The following KCNH5 variants were observed in gnomAD, a reference collection of about 807,000 sequenced individuals.
The protein encoded by KCNH5 is potassium voltage-gated channel subfamily H member 5, also known as voltage-gated delayed rectifier potassium channel KCNH5.
In KCNH5, 46 loss-of-function variants were observed where a neutral mutation model predicts 96.1. The observed-to-expected ratio is 0.48, with a 90% CI of 0.38 to 0.61. The LOEUF (loss-of-function observed/expected upper bound fraction) is 0.61. Among genes scored for constraint, KCNH5 ranks in the 20% least tolerant of loss-of-function variants. The pLI is 0.00. For synonymous variants in KCNH5, 439 were observed against 449.8 expected (o/e 0.98, Z 0.30); for missense variants, 907 against 1,225.8 (o/e 0.74, Z 3.88).
chr14:63,028,891 A>G (rs1658468507), intron 1 of KCNH5, among the ~76,000 whole-genome samples: 1 of 152,168 alleles, frequency 6.6e-6, no homozygotes, highest in African/African-American at 2.4e-5. Context: ...AGTCAATTAG[A>G]CCTCAGACCT....
intron 8 of KCNH5, among the ~76,000 whole-genome samples, chr14:62,806,727 G>T (rs972896683): frequency 5.9e-5 from 9 of 152,082 alleles, no homozygotes; most frequent in Non-Finnish European, 1.3e-4. Context: ...ACTGACATTG[G>T]GTTCGAGGCC....
At chr14:62,920,070 C>T (rs1363808725) in intron 7 of KCNH5, among the ~76,000 whole-genome samples, 2 of 152,064 alleles carry the variant, frequency 1.3e-5, no homozygotes, top group African/African-American at 2.4e-5. Flanking sequence ...TTGCCCATCT[C>T]CATGATGAGT....
intron 10 of KCNH5, among the ~76,000 whole-genome samples, chr14:62,748,045 A>G (rs751407778): frequency 6.6e-6 from 1 of 152,214 alleles, no homozygotes; most frequent in Non-Finnish European, 1.5e-5. Flanking sequence ...TGGTTACAGG[A>G]AAGGGGTCCC....
At chr14:62,883,771 A>C (rs1398718148) in intron 7 of KCNH5, among the ~76,000 whole-genome samples, 2 of 151,814 alleles carry the variant, frequency 1.3e-5, no homozygotes, top group Non-Finnish European at 2.9e-5. Context: ...AATAATAATA[A>C]TACTATTACA....
intron 7 of KCNH5, among the ~76,000 whole-genome samples, chr14:62,914,873 G>T (rs1206210303): frequency 6.6e-6 from 1 of 152,250 alleles, no homozygotes; most frequent in African/African-American, 2.4e-5. Context: ...CTCGCCATGT[G>T]GGCAGTGAGG....
chr14:62,795,851 T>C (rs1443173000), intron 9 of KCNH5, among the ~76,000 whole-genome samples: 2 of 151,864 alleles, frequency 1.3e-5, no homozygotes. Context: ...AGGCATCTAA[T>C]CCAGACTAGG....
intron 10 of KCNH5, among the ~76,000 whole-genome samples, chr14:62,714,867 T>TTG (rs1483199651): frequency 1.3e-5 from 2 of 152,212 alleles, no homozygotes; most frequent in Non-Finnish European, 2.9e-5. Flanking sequence ...GCAAATCAGA[T>TTG]TGCTGCTGAA....
At chr14:62,806,046 T>A (rs1474980313) in intron 8 of KCNH5, among the ~76,000 whole-genome samples, 3 of 152,096 alleles carry the variant, frequency 2.0e-5, no homozygotes, top group African/African-American at 7.2e-5. Flanking sequence ...TAAAACAGGT[T>A]GCAGTAAAGA....
At chr14:62,745,235 T>C (rs1163050271) in intron 10 of KCNH5, among the ~76,000 whole-genome samples, 1 of 144,250 alleles carries the variant, frequency 6.9e-6, no homozygotes, top group Non-Finnish European at 1.5e-5. Flanking sequence ...CAGAAGCTCA[T>C]GAAGCAGAAA....
At chr14:62,851,144 G>T (rs1956012) in intron 7 of KCNH5, among the ~76,000 whole-genome samples, 85,512 of 151,936 alleles carry the variant, frequency 0.56, 25,718 homozygotes, top group African/African-American at 0.77. Flanking sequence ...TAAAAAAATG[G>T]AGTCAGTTTT....
intron 7 of KCNH5, among the ~76,000 whole-genome samples, chr14:62,865,336 A>T (rs1159822868): frequency 1.4e-4 from 14 of 101,484 alleles, no homozygotes; most frequent in African/African-American, 4.8e-4. Flanking sequence ...TGCTATTTAA[A>T]AAAAAAAAAA....
intron 7 of KCNH5, among the ~76,000 whole-genome samples, chr14:62,899,946 CA>C (rs1377747269): frequency 6.6e-6 from 1 of 152,114 alleles, no homozygotes; most frequent in African/African-American, 2.4e-5. Flanking sequence ...TCTCTGAAAT[CA>C]AACTGTATCT....
At chr14:62,832,646 G>C (rs775017721) in intron 8 of KCNH5, among the ~76,000 whole-genome samples, 5 of 152,120 alleles carry the variant, frequency 3.3e-5, no homozygotes, top group Non-Finnish European at 4.4e-5. Context: ...AGATCATATA[G>C]TGGTTCTATA....
At chr14:62,728,843 G>A (rs2139921816) in intron 10 of KCNH5, among the ~76,000 whole-genome samples, 1 of 152,214 alleles carries the variant, frequency 6.6e-6, no homozygotes, top group Admixed American at 6.5e-5. Context: ...TTCATCAAAA[G>A]GATAAAGCCT....
At position 62,708,193 on chromosome 14, in the gene KCNH5, A is replaced by C. The variant is rs764103344; in HGVS notation, c.2282T>G (p.Ile761Ser). 6.2e-7 allele frequency: 1 copy of C among 1,614,176 alleles called. No individual in the cohort carries two copies. The highest frequency in any genetic ancestry group is 8.5e-7 in the Non-Finnish European group (1 of 1,180,020). Residue 761 changes from isoleucine (I) to serine (S), a missense_variant, in exon 11 of 11, where the codon ATT becomes AGT. Coordinates refer to ENST00000322893, the MANE Select transcript of KCNH5 (RefSeq NM_139318.5). The part of the protein sequence containing the change: ...SVVTVSQITP[I>S]QTSLAYVKTS... The stretch of plus-strand genomic sequence containing the variant: ...TTTCACATAGGCCAGAGACGTCTGA[A>C]TGGGAGTAATCTGTGACACAGTCAC...
chr14:62,970,330 T>C (rs879698963), intron 6 of KCNH5, among the ~76,000 whole-genome samples: 11 of 152,038 alleles, frequency 7.2e-5, no homozygotes, highest in Non-Finnish European at 1.6e-4. Flanking sequence ...ATTAAAGAAA[T>C]TGCATCAATA....
chr14:62,808,583 AT>A (rs1886815473), intron 8 of KCNH5, among the ~76,000 whole-genome samples: 1 of 152,138 alleles, frequency 6.6e-6, no homozygotes, highest in Non-Finnish European at 1.5e-5. Context: ...AGTTTGGCTT[AT>A]TTGGTATAAA....
chr14:62,751,683 G>A (rs118089265), intron 10 of KCNH5, among the ~76,000 whole-genome samples: 4,896 of 152,340 alleles, frequency 0.032, 154 homozygotes, highest in South Asian at 0.084. Flanking sequence ...AGAGCCAGGA[G>A]GGCAGCCCCA....
intron 1 of KCNH5, among the ~76,000 whole-genome samples, chr14:63,033,928 T>C (rs1335400352): frequency 2.0e-5 from 3 of 152,108 alleles, no homozygotes; most frequent in Admixed American, 6.5e-5. Flanking sequence ...TGTTTGTTTG[T>C]TTTTTGCTTT....
Sources: gnomAD v4.1 joint callset for allele counts (sites outside exome capture counted in the v4.1 genomes callset) on GRCh38, gnomAD v4.1.1 for gene constraint, MANE v1.5 for transcripts, NCBI Gene and HGNC (gene_info 2026-07-23, HGNC 2026-07-21) for gene names.